Variants in NAV2 observed in about 807,000 individuals in gnomAD.
NAV2 encodes neuron navigator 2, also known as helicase, APC down-regulated 1.
Under a neutral mutation model 223.2 loss-of-function variants are expected in NAV2, and 54 were observed. The observed-to-expected ratio is 0.24, with a 90% confidence interval of 0.19 to 0.30. The LOEUF (loss-of-function observed/expected upper bound fraction) is 0.30. Among genes scored for constraint, NAV2 ranks in the 10% least tolerant of loss-of-function variants. The probability of loss-of-function intolerance (pLI) is 1.00; values close to 1 mark genes in which losing one functional copy is unlikely to be tolerated. For synonymous variants in NAV2, 1,279 were observed against 1,239.3 expected (o/e 1.03, Z -0.67); for missense variants, 2,806 against 3,147.5 (o/e 0.89, Z 2.60).
At chr11:19,765,187 G>A (rs560162145) in intron 1 of NAV2, among the ~76,000 whole-genome samples, 5 of 152,192 alleles carry the variant, frequency 3.3e-5, no homozygotes, top group South Asian at 4.2e-4. Context: ...TGATAACACC[G>A]GAAATAAAAT....
intron 3 of NAV2, among the ~76,000 whole-genome samples, chr11:19,852,876 CAT>C (rs1173139049): frequency 1.3e-5 from 2 of 152,162 alleles, no homozygotes; most frequent in African/African-American, 4.8e-5. Context: ...AGTGATGTGA[CAT>C]ATCAAATTTT....
At chr11:19,472,764 G>A (rs756818667) in intron 1 of NAV2, among the ~76,000 whole-genome samples, 2 of 152,184 alleles carry the variant, frequency 1.3e-5, no homozygotes, top group South Asian at 2.1e-4. Context: ...TAAACTGAGC[G>A]GTAGTTGCCG....
At chr11:20,033,580 T>C (rs758163782) in intron 11 of NAV2, among the ~76,000 whole-genome samples, 1 of 152,182 alleles carries the variant, frequency 6.6e-6, no homozygotes, top group Non-Finnish European at 1.5e-5. Context: ...TCATTCACAA[T>C]AAGCCCCTTT....
intron 3 of NAV2, among the ~76,000 whole-genome samples, chr11:19,848,187 C>G (rs904159936): frequency 2.6e-5 from 4 of 152,184 alleles, no homozygotes; most frequent in South Asian, 4.1e-4. Context: ...GGAATCTGCA[C>G]TTAGGCACAG....
At chr11:19,627,089 G>A (rs1269647798) in intron 1 of NAV2, among the ~76,000 whole-genome samples, 1 of 152,158 alleles carries the variant, frequency 6.6e-6, no homozygotes. Context: ...TCAGTTGAAG[G>A]TCAAGAGATC....
intron 3 of NAV2, among the ~76,000 whole-genome samples, chr11:19,863,246 T>C (rs960309647): frequency 1.3e-5 from 2 of 152,186 alleles, no homozygotes; most frequent in Non-Finnish European, 2.9e-5. Flanking sequence ...CCATGTCAAC[T>C]CCTTTATGTG....
chr11:19,465,156 A>T (rs570838490), intron 1 of NAV2, among the ~76,000 whole-genome samples: 1 of 152,270 alleles, frequency 6.6e-6, no homozygotes, highest in South Asian at 2.1e-4. Flanking sequence ...CCATCTGTGA[A>T]GGGTCACTTT....
At chr11:20,058,251 A>G (rs1476057764) in intron 19 of NAV2, among the ~76,000 whole-genome samples, 2 of 152,346 alleles carry the variant, frequency 1.3e-5, no homozygotes, top group East Asian at 3.9e-4. Flanking sequence ...ATTATACGCC[A>G]TAAAGCAGAA....
chr11:19,692,503 T>TG (rs1389916191), intron 1 of NAV2, among the ~76,000 whole-genome samples: 1 of 152,256 alleles, frequency 6.6e-6, no homozygotes, highest in Admixed American at 6.5e-5. Flanking sequence ...ATGTCCTGAT[T>TG]AATGGTATTT....
chr11:19,462,879 G>T (rs919067869), intron 1 of NAV2, among the ~76,000 whole-genome samples: 1 of 152,222 alleles, frequency 6.6e-6, no homozygotes, highest in African/African-American at 2.4e-5. Context: ...AAGCCTCACT[G>T]CCCAGAAATT....
At chr11:19,647,341 G>C (rs1275000435) in intron 1 of NAV2, among the ~76,000 whole-genome samples, 2 of 152,100 alleles carry the variant, frequency 1.3e-5, no homozygotes, top group African/African-American at 2.4e-5. Flanking sequence ...TAGGGTTAAA[G>C]CTGCTCTTTG....
At chr11:19,791,754 A>C (rs550834067) in intron 1 of NAV2, among the ~76,000 whole-genome samples, 1 of 152,214 alleles carries the variant, frequency 6.6e-6, no homozygotes, top group Non-Finnish European at 1.5e-5. Flanking sequence ...CAGGAGAGGA[A>C]GGCAGCAAGG....
At chr11:19,886,649 C>T (rs1287320833) in intron 5 of NAV2, among the ~76,000 whole-genome samples, 2 of 152,182 alleles carry the variant, frequency 1.3e-5, no homozygotes, top group African/African-American at 2.4e-5. Flanking sequence ...GTGCTCAGTC[C>T]TGCAAGATAA....
At chr11:19,746,065 C>T (rs1056326081) in intron 1 of NAV2, among the ~76,000 whole-genome samples, 1 of 152,302 alleles carries the variant, frequency 6.6e-6, no homozygotes, top group African/African-American at 2.4e-5. Flanking sequence ...AATGAAGACA[C>T]TAAAACAGAG....
intron 11 of NAV2, among the ~76,000 whole-genome samples, chr11:20,016,972 C>G (rs959128317): frequency 9.9e-5 from 15 of 152,236 alleles, no homozygotes; most frequent in Admixed American, 9.8e-4. Context: ...TGCCACTGCA[C>G]TCCAGCCTAA....
At chr11:19,700,430 T>C (rs1419805674) in intron 1 of NAV2, among the ~76,000 whole-genome samples, 2 of 152,174 alleles carry the variant, frequency 1.3e-5, no homozygotes, top group Non-Finnish European at 2.9e-5. Context: ...AGGTGGGCCT[T>C]ATTACCAGCA....
chr11:19,854,410 C>T (rs1555099861), intron 3 of NAV2, among the ~76,000 whole-genome samples: 1 of 152,122 alleles, frequency 6.6e-6, no homozygotes, highest in Non-Finnish European at 1.5e-5. Context: ...GCTTTTAAAA[C>T]AAAAACTGAA....
At chr11:20,067,242 G>T (rs1366624010) in intron 20 of NAV2, among the ~76,000 whole-genome samples, 1 of 152,042 alleles carries the variant, frequency 6.6e-6, no homozygotes, top group Non-Finnish European at 1.5e-5. Context: ...GCTGATAGGG[G>T]CTCCCAAACC....
At chr11:19,664,340 G>A (rs1046460676) in intron 1 of NAV2, among the ~76,000 whole-genome samples, 20 of 152,192 alleles carry the variant, frequency 1.3e-4, no homozygotes, top group African/African-American at 3.9e-4. Context: ...TGGGTCTTTT[G>A]CAGATGCCAG....
Sources: gnomAD v4.1 joint callset for allele counts (sites outside exome capture counted in the v4.1 genomes callset) on GRCh38, gnomAD v4.1.1 for gene constraint, MANE v1.5 for transcripts, NCBI Gene and HGNC (gene_info 2026-07-23, HGNC 2026-07-21) for gene names.